Variants in NALF1 observed in about 807,000 individuals in gnomAD.
NALF1 encodes NALCN channel auxiliary factor 1, also known as family with sequence similarity 155 member A.
NALF1 carries 3 observed loss-of-function variants against 48.4 expected under a neutral mutation model. That is an observed-to-expected ratio of 0.06 (90% CI 0.03 to 0.16). The LOEUF (loss-of-function observed/expected upper bound fraction) is 0.16. Among genes scored for constraint, NALF1 ranks in the 10% least tolerant of loss-of-function variants. NALF1 has a pLI of 1.00. For missense variants in NALF1, 526 were observed against 571.5 expected (o/e 0.92, Z 0.81); for synonymous variants, 262 against 245.7 (o/e 1.07, Z -0.62).
chr13:107,226,174 A>G (rs1245926109), intron 1 of NALF1, among the ~76,000 whole-genome samples: 1 of 152,090 alleles, frequency 6.6e-6, no homozygotes, highest in Non-Finnish European at 1.5e-5. Flanking sequence ...GCCTCCAGAG[A>G]GCAGGCTGCA....
intron 1 of NALF1, among the ~76,000 whole-genome samples, chr13:107,409,270 A>G (rs1318707181): frequency 6.6e-6 from 1 of 152,200 alleles, no homozygotes; most frequent in African/African-American, 2.4e-5. Flanking sequence ...TCTATGCTAG[A>G]TGTTGGAGAT....
At chr13:107,377,707 G>A (rs1349345052) in intron 1 of NALF1, among the ~76,000 whole-genome samples, 1 of 152,088 alleles carries the variant, frequency 6.6e-6, no homozygotes, top group Non-Finnish European at 1.5e-5. Flanking sequence ...AGAATGCCAG[G>A]GCCTTCTCCC....
rs146272256 is a variant in NALF1, at chr13:107,727,090, G to A, written c.915+138592C>T. ...CTCCCAAAGTGCTGGGATTACAGGC[G>A]TGATCCTTCAATGATACAAGAGACT... On this transcript the variant is annotated intron_variant, in intron 1 of 2. Coordinates refer to ENST00000375915, the MANE Select transcript of NALF1 (RefSeq NM_001080396.3). Among the ~76,000 whole-genome samples the A allele has an allele frequency of 4.0e-3, 610 of 152,076 alleles. 2 individuals are homozygous for A. Among genetic ancestry groups the A allele is most frequent in the Middle Eastern group, 6.8e-3 (2 of 294 alleles).
At chr13:107,679,273 T>G (rs1282782711) in intron 1 of NALF1, among the ~76,000 whole-genome samples, 1 of 152,248 alleles carries the variant, frequency 6.6e-6, no homozygotes, top group Admixed American at 6.5e-5. Context: ...AACATTTTCT[T>G]AAGTTTTTTT....
chr13:107,509,364 T>A (rs1458476734), intron 1 of NALF1, among the ~76,000 whole-genome samples: 2 of 152,290 alleles, frequency 1.3e-5, no homozygotes, highest in East Asian at 1.9e-4. Flanking sequence ...ATAAAGCATA[T>A]TAATAACTAC....
At chr13:107,439,858 T>A (rs1380110352) in intron 1 of NALF1, among the ~76,000 whole-genome samples, 1 of 152,104 alleles carries the variant, frequency 6.6e-6, no homozygotes, top group East Asian at 1.9e-4. Flanking sequence ...TGTTTCTGAG[T>A]AGGGGAAAGA....
At chr13:107,193,863 G>A (rs1448393583) in intron 2 of NALF1, among the ~76,000 whole-genome samples, 1 of 151,884 alleles carries the variant, frequency 6.6e-6, no homozygotes, top group Admixed American at 6.6e-5. Context: ...TCAGAGATAG[G>A]GAGAAAGAGA....
chr13:107,350,665 T>C (rs150018497), intron 1 of NALF1, among the ~76,000 whole-genome samples: 56 of 152,378 alleles, frequency 3.7e-4, no homozygotes, highest in African/African-American at 1.2e-3. Context: ...GATTCTAATA[T>C]GTGTCTATTT....
chr13:107,343,985 GTAACTA>G (rs1349752247), intron 1 of NALF1, among the ~76,000 whole-genome samples: 4 of 151,172 alleles, frequency 2.6e-5, no homozygotes, highest in Non-Finnish European at 1.5e-5. Context: ...GAAGACTCAA[GTAACTA>G]AAATCAGAAA....
chr13:107,783,944 C>T (rs1036571772), intron 1 of NALF1, among the ~76,000 whole-genome samples: 1 of 151,676 alleles, frequency 6.6e-6, no homozygotes, highest in Non-Finnish European at 1.5e-5. Context: ...TCTTCTTCTA[C>T]CTAGTATACT....
At chr13:107,492,534 T>A (rs1471418865) in intron 1 of NALF1, among the ~76,000 whole-genome samples, 3 of 152,160 alleles carry the variant, frequency 2.0e-5, no homozygotes, top group Admixed American at 2.0e-4. Flanking sequence ...GATGGTCACC[T>A]CCTCAGAGAA....
At chr13:107,533,269 G>T (rs1408016) in intron 1 of NALF1, among the ~76,000 whole-genome samples, 91,575 of 151,960 alleles carry the variant, frequency 0.6, 31,330 homozygotes, top group Middle Eastern at 0.79. Flanking sequence ...CGTGAGTGTA[G>T]GTTCTTTGCT....
At position 107,619,248 on chromosome 13, in the gene NALF1, G is replaced by T. The variant is rs566604433; in HGVS notation, c.915+246434C>A. Among the ~76,000 whole-genome samples the T allele has an allele frequency of 2.2e-4, 33 of 152,284 alleles. No homozygotes were observed. The South Asian group carries it at 6.6e-3, about 31-fold the overall frequency. Reference sequence around the variant, plus strand: ...GACGTTATGTTTATGCGCTCAGGTCGGTTAAGATGTGATGATTCCTCTTTT... The same window carrying T: ...GACGTTATGTTTATGCGCTCAGGTCTGTTAAGATGTGATGATTCCTCTTTT... On this transcript the variant is annotated intron_variant, in intron 1 of 2. Transcript: ENST00000375915.
chr13:107,624,494 C>A (rs1879612245), intron 1 of NALF1, among the ~76,000 whole-genome samples: 1 of 151,974 alleles, frequency 6.6e-6, no homozygotes, highest in Admixed American at 6.6e-5. Flanking sequence ...ACTTTTTAGG[C>A]AAATTATTGT....
At chr13:107,749,011 A>G (rs562992466) in intron 1 of NALF1, among the ~76,000 whole-genome samples, 2 of 152,238 alleles carry the variant, frequency 1.3e-5, no homozygotes, top group South Asian at 4.2e-4. Context: ...TCACATAACT[A>G]TCATTATGCT....
intron 1 of NALF1, among the ~76,000 whole-genome samples, chr13:107,451,812 T>C (rs1884745716): frequency 6.6e-6 from 1 of 152,198 alleles, no homozygotes; most frequent in Non-Finnish European, 1.5e-5. Context: ...ATACTTCTGC[T>C]CTACTAAGAC....
In NALF1 at chr13:107,282,453, T is replaced by C. The variant is rs79688795; in HGVS notation, c.916-71698A>G. 8.5e-5 allele frequency among the ~76,000 whole-genome samples: 13 copies of C among 152,294 alleles called. No individual in the cohort carries two copies. In the East Asian group the frequency reaches 2.3e-3, roughly 27 times the overall value. On this transcript the variant is annotated intron_variant, in intron 1 of 2. Transcript: ENST00000375915. ...GGTGAACCTGTTGACTAAGAGGATA[T>C]TGGCATGGTAGCCAGCCCCCAAGGT...
At chr13:107,529,835 C>T (rs2139106072) in intron 1 of NALF1, among the ~76,000 whole-genome samples, 1 of 152,140 alleles carries the variant, frequency 6.6e-6, no homozygotes, top group East Asian at 1.9e-4. Context: ...ATGTTGGAAA[C>T]TATCCATGGT....
chr13:107,191,373 A>G (rs1879276778), intron 2 of NALF1, among the ~76,000 whole-genome samples: 2 of 152,220 alleles, frequency 1.3e-5, no homozygotes. Flanking sequence ...TGAAAGACCT[A>G]GAAAATATTT....
Sources: allele counts gnomAD v4.1 joint callset (sites outside exome capture counted in the v4.1 genomes callset), GRCh38; gene constraint gnomAD v4.1.1; transcripts MANE v1.5; gene names NCBI Gene and HGNC (gene_info 2026-07-23, HGNC 2026-07-21).